The following MYO5C variants were observed in gnomAD, a reference collection of about 807,000 sequenced individuals.
MYO5C encodes unconventional myosin-Vc.
In MYO5C, 194 loss-of-function variants were observed where a neutral mutation model predicts 235.7. The observed-to-expected ratio is 0.82, with a 90% CI of 0.73 to 0.93. The LOEUF is 0.93. Ranked by LOEUF, MYO5C falls within the 40% of genes least tolerant of loss-of-function variation. The pLI is 0.00. For missense variants in MYO5C, 2,038 were observed against 2,127.2 expected, an observed-to-expected ratio of 0.96 and a Z score of 0.82; for synonymous variants, 707 against 754.8, an observed-to-expected ratio of 0.94 and a Z score of 1.04.
intron 38 of MYO5C, among the ~76,000 whole-genome samples, chr15:52,200,648 G>A (rs1375904149): frequency 6.6e-6 from 1 of 151,916 alleles, no homozygotes; most frequent in Non-Finnish European, 1.5e-5. Context: ...ATTCAAAATT[G>A]GCATATGAAG....
chr15:52,252,768 C>T (rs1405183461), intron 12 of MYO5C, among the ~76,000 whole-genome samples: 1 of 146,220 alleles, frequency 6.8e-6, no homozygotes, highest in African/African-American at 2.7e-5. Context: ...GAGCAAGACT[C>T]CGTCTCAAAA....
Position 52,271,764 on chromosome 15 carries a change from C to T in MYO5C, c.831G>A (p.Leu277=). 1.3e-6 allele frequency: 2 copies of T among 1,528,962 alleles called. No individual in the cohort carries two copies. The highest frequency in any genetic ancestry group is 1.8e-6 in the Non-Finnish European group (2 of 1,122,772). The allele number at this position is 1,528,962 out of a possible 1,614,324, so 94.7% of individuals were successfully genotyped here. A position where few individuals can be genotyped will look rare whatever the true frequency, so the allele number is the denominator to read the frequency against. Residue 277 remains leucine, a splice_region_variant and synonymous_variant, in exon 7 of 41, where the codon TTG becomes TTA. Coordinates refer to ENST00000261839, the MANE Select transcript of MYO5C (RefSeq NM_018728.4). ...AQQSEFKHLK[L]GSAEEFNYTR... is the part of the protein sequence containing the mutation. ...TTTCATACACGATCCATCACATACCCAATTTAAGATGTTTAAATTCCGACT... is the reference window on the plus strand; with the variant it reads ...TTTCATACACGATCCATCACATACCTAATTTAAGATGTTTAAATTCCGACT...
chr15:52,222,473 C>G (rs556223836), intron 29 of MYO5C, among the ~76,000 whole-genome samples: 1 of 152,068 alleles, frequency 6.6e-6, no homozygotes, highest in Admixed American at 6.6e-5. Flanking sequence ...GAGAGCGGGG[C>G]GTCCTGGAAG....
At position 52,260,989 on chromosome 15, in the gene MYO5C, T is replaced by G; in HGVS notation, c.1186A>C (p.Asn396His). The G allele has an allele frequency of 6.2e-7, 1 of 1,614,250 alleles. No individual in the cohort carries two copies. The highest frequency in any genetic ancestry group is 8.5e-7 in the Non-Finnish European group (1 of 1,180,036). ...VKPMTRPQAV[N>H]ARDALAKKIY... is the part of the protein sequence containing the mutation. ...TTTTTGGCCAGTGCATCCCTGGCGTTGACAGCCTGAGGCCTGGTCATGGGT... is the reference window on the plus strand; with the variant it reads ...TTTTTGGCCAGTGCATCCCTGGCGTGGACAGCCTGAGGCCTGGTCATGGGT... The change falls in exon 10 of 41, where the codon AAC becomes CAC. Residue 396 changes from asparagine to histidine, a missense_variant. Transcript: ENST00000261839.
At chr15:52,253,804 C>T (rs959706691) in intron 11 of MYO5C, among the ~76,000 whole-genome samples, 6 of 152,260 alleles carry the variant, frequency 3.9e-5, no homozygotes, top group African/African-American at 1.4e-4. Flanking sequence ...TGGCCTAATG[C>T]AGCCTGGCTG....
intron 11 of MYO5C, among the ~76,000 whole-genome samples, chr15:52,254,364 G>A (rs1014492245): frequency 6.6e-6 from 1 of 152,194 alleles, no homozygotes; most frequent in African/African-American, 2.4e-5. Context: ...GAGCGAAGAG[G>A]TCAGGATGAA....
At chr15:52,280,253 C>T (rs969123262) in intron 2 of MYO5C, among the ~76,000 whole-genome samples, 1 of 152,250 alleles carries the variant, frequency 6.6e-6, no homozygotes, top group Non-Finnish European at 1.5e-5. Flanking sequence ...GTGCAGGTGT[C>T]TCCTGTCTGC....
intron 12 of MYO5C, 25 bp downstream of exon 12, chr15:52,253,292 A>G (rs766089802): frequency 2.2e-5 from 35 of 1,594,818 alleles, no homozygotes; most frequent in Non-Finnish European, 5.1e-6. Flanking sequence ...AAAAGCTGAA[A>G]AAAACAATTA....
chr15:52,206,051 A>G, intron 36 of MYO5C, 85 bp from the exon 37 acceptor site: 1 of 828,016 alleles, frequency 1.2e-6, no homozygotes, highest in South Asian at 2.6e-5. Context: ...CTTTTACCTT[A>G]AAACTTAATG....
rs76788496 is a variant in MYO5C at position 52,238,346 on chromosome 15, G to A, written c.2704-700C>T. Among the ~76,000 whole-genome samples the A allele has an allele frequency of 5.6e-4, 86 of 152,324 alleles. 1 individual carries two copies. The East Asian group carries it at 0.015, about 26-fold the overall frequency. On this transcript the variant is annotated intron_variant, in intron 21 of 40. Coordinates refer to ENST00000261839, the MANE Select transcript of MYO5C (RefSeq NM_018728.4). Reference sequence around the variant, plus strand: ...CTCCCACCAGGCATTGCTCCTGGCCGGCTGCGGCTATTTTTAAGTGCTATT... The same window carrying A: ...CTCCCACCAGGCATTGCTCCTGGCCAGCTGCGGCTATTTTTAAGTGCTATT...
chr15:52,286,050 G>A (rs1256823416), intron 1 of MYO5C, among the ~76,000 whole-genome samples: 11 of 150,948 alleles, frequency 7.3e-5, no homozygotes, highest in South Asian at 2.1e-4. Context: ...CTGCCGCCCC[G>A]TCTGGGATGT....
At chr15:52,245,920 G>T (rs1211169216) in intron 17 of MYO5C, 36 bp downstream of exon 17, 1 of 1,568,612 alleles carries the variant, frequency 6.4e-7, no homozygotes, top group African/African-American at 1.3e-5. Flanking sequence ...CTGATGTCAG[G>T]TACTTTTCCC....
intron 32 of MYO5C, among the ~76,000 whole-genome samples, chr15:52,215,665 A>C (rs2035535770): frequency 1.3e-5 from 2 of 152,198 alleles, no homozygotes; most frequent in South Asian, 4.1e-4. Flanking sequence ...TATATCTAAT[A>C]AAATGGGTCA....
rs2037106505 is a variant in MYO5C at position 52,278,919 on chromosome 15, G to A, written c.403C>T (p.Pro135Ser). The stretch of plus-strand genomic sequence containing the variant: ...TCTTCTGCCACGGCAAATATGTGTG[G>A]GTCCATATCGCCCATGTTCTGCCCG... ...YSGQNMGDMD[P>S]HIFAVAEEAY... Residue 135 changes from proline (P) to serine (S), a missense_variant, in exon 4 of 41, where the codon CCA becomes TCA. Physicochemically the swap from Pro to Ser is moderately conservative, Grantham distance 74. Transcript: ENST00000261839. 6.2e-7 allele frequency: 1 copy of A among 1,613,942 alleles called. No individual in the cohort carries two copies. The highest frequency in any genetic ancestry group is 1.3e-5 in the African/African-American group (1 of 74,872).
chr15:52,282,789 T>A lies in MYO5C; in HGVS notation c.131A>T (p.Asp44Val). The A allele has an allele frequency of 1.2e-6, 2 of 1,606,860 alleles. No homozygotes were observed. Among genetic ancestry groups the A allele is most frequent in the Non-Finnish European group, 1.7e-6 (2 of 1,173,376 alleles). ...GDKVLRLLLE[D>V]GTELDYSVNP... is the part of the protein sequence containing the mutation. ...AACAGCAAGGACCCTCACCGTTCCA[T>A]CCTCCAGCAGGAGTCGCAGGACCTT... The change falls in exon 2 of 41, where the codon GAT becomes GTT. Residue 44 changes from aspartate (D) to valine (V), a missense_variant. Physicochemically the swap from Asp to Val is radical, Grantham distance 152 (BLOSUM62 -3). Coordinates refer to ENST00000261839, the MANE Select transcript of MYO5C (RefSeq NM_018728.4).
Position 52,284,056 on chromosome 15 carries a change from A to G in MYO5C, c.28-1164T>C, listed in dbSNP as rs375168243. Among the ~76,000 whole-genome samples, 9 of 152,302 alleles carry G rather than the reference A, an allele frequency of 5.9e-5. No homozygotes were observed. The East Asian group carries it at 1.5e-3, about 26-fold the overall frequency. ...ACAATATGCATCTATTACTTTTACA[A>G]TCAGAACAATAAATATTAATCTTTA... On this transcript the variant is annotated intron_variant, in intron 1 of 40. Coordinates refer to ENST00000261839, the MANE Select transcript of MYO5C (RefSeq NM_018728.4).
At chr15:52,284,211 A>T (rs550555856) in intron 1 of MYO5C, among the ~76,000 whole-genome samples, 3,418 of 61,018 alleles carry the variant, frequency 0.056, 62 homozygotes, top group African/African-American at 0.085. Context: ...ATGAGAATTA[A>T]AAAAAAAAAA....
At chr15:52,269,956 G>T in intron 7 of MYO5C, 96 bp from the exon 8 acceptor site, 2 of 846,514 alleles carry the variant, frequency 2.4e-6, no homozygotes, top group Non-Finnish European at 4.0e-6. Flanking sequence ...AAAGAACTGT[G>T]TCATGCACTT....
chr15:52,218,793 G>A (rs2035611715), intron 31 of MYO5C, 106 bp from the exon 32 acceptor site: 1 of 1,166,894 alleles, frequency 8.6e-7, no homozygotes, highest in Non-Finnish European at 1.2e-6. Context: ...GAACACCTTG[G>A]CCAATTTCTG....
Sources: allele counts gnomAD v4.1 joint callset (sites outside exome capture counted in the v4.1 genomes callset), GRCh38; gene constraint gnomAD v4.1.1; transcripts MANE v1.5; gene names NCBI Gene and HGNC (gene_info 2026-07-23, HGNC 2026-07-21).